The following PRICKLE1 variants were observed in gnomAD, a reference collection of about 807,000 sequenced individuals.
The protein encoded by PRICKLE1 is prickle-like protein 1.
Under a neutral mutation model 70.2 loss-of-function variants are expected in PRICKLE1, and 14 were observed. The ratio of observed to expected loss-of-function variants is 0.20; its 90% CI spans 0.13 to 0.31. The LOEUF (loss-of-function observed/expected upper bound fraction) is 0.31, where lower values mean the gene tolerates loss of function less well. PRICKLE1 is among the 10% of genes least tolerant of loss of function. The probability of loss-of-function intolerance (pLI) is 1.00; values close to 1 mark genes in which losing one functional copy is unlikely to be tolerated. For missense variants in PRICKLE1, 821 were observed against 1,026.2 expected, an observed-to-expected ratio of 0.80 and a Z score of 2.73; for synonymous variants, 357 against 379.9, an observed-to-expected ratio of 0.94 and a Z score of 0.70.
intron 6 of PRICKLE1, chr12:42,465,535 T>G: frequency 2.3e-6 from 1 of 440,404 alleles, no homozygotes; most frequent in Non-Finnish European, 4.1e-6. Context: ...CAACATGCAC[T>G]GATCCAGGAG....
At chr12:42,499,028 G>A (rs141805800) in intron 1 of PRICKLE1, among the ~76,000 whole-genome samples, 1 of 152,258 alleles carries the variant, frequency 6.6e-6, no homozygotes, top group Non-Finnish European at 1.5e-5. Context: ...TTCACATACA[G>A]TGTGATGTCA....
intron 1 of PRICKLE1, among the ~76,000 whole-genome samples, chr12:42,488,963 G>A (rs577929071): frequency 1.9e-3 from 239 of 127,278 alleles, no homozygotes; most frequent in Non-Finnish European, 2.8e-3. Flanking sequence ...CGCTCTTGTT[G>A]CCCAGGCTGC....
intron 7 of PRICKLE1, chr12:42,463,720 CA>C (rs1317439053): frequency 6.8e-4 from 96 of 140,648 alleles, no homozygotes; most frequent in Non-Finnish European, 9.6e-4. Flanking sequence ...AACTCCACCT[CA>C]AAAAAAAAAA....
chr12:42,468,961 T>G, intron 4 of PRICKLE1, 132 bp from the exon 5 acceptor site: 1 of 839,330 alleles, frequency 1.2e-6, no homozygotes, highest in Non-Finnish European at 1.9e-6. Context: ...AGTGATTAAA[T>G]AGCTCTTTAA....
intron 1 of PRICKLE1, among the ~76,000 whole-genome samples, chr12:42,562,918 G>A (rs537588411): frequency 6.6e-5 from 10 of 152,196 alleles, no homozygotes; most frequent in South Asian, 6.2e-4. Context: ...GGCCGGGTGC[G>A]GTGGCTCACA....
At chr12:42,467,253 A>G (rs1285513901) in intron 5 of PRICKLE1, among the ~76,000 whole-genome samples, 1 of 151,788 alleles carries the variant, frequency 6.6e-6, no homozygotes, top group Non-Finnish European at 1.5e-5. Context: ...AGTAGCTGGG[A>G]CTAAAGGTGC....
intron 1 of PRICKLE1, among the ~76,000 whole-genome samples, chr12:42,525,421 G>T (rs1939784416): frequency 6.6e-6 from 1 of 152,216 alleles, no homozygotes; most frequent in South Asian, 2.1e-4. Flanking sequence ...TATAGAGCTG[G>T]TCAGTCAGAA....
Position 42,464,032 on chromosome 12 carries a change from A to ATT in PRICKLE1, c.1639+361_1639+362dup, listed in dbSNP as rs879477032. On this transcript the variant is annotated intron_variant, in intron 7 of 7. Coordinates refer to ENST00000345127, the MANE Select transcript of PRICKLE1 (RefSeq NM_153026.3). This position sits in a 1 kb window ranked among gnomAD's most constrained non-coding sequence, Gnocchi z 4.2. ...CAACTCCTACTCATGCTGAATTGCA[A>ATT]TTTTTTTTTTTTTTGAGATGGAGTC... 4.8e-5 allele frequency among the ~76,000 whole-genome samples: 7 copies of ATT among 145,626 alleles called. No homozygotes were observed. Among genetic ancestry groups the ATT allele is most frequent in the Non-Finnish European group, 4.6e-5 (3 of 65,824 alleles).
At position 42,507,478 on chromosome 12, in the gene PRICKLE1, C is replaced by T. The variant is rs76458739; in HGVS notation, c.-48-34914G>A. On this transcript the variant is annotated intron_variant, in intron 1 of 7. Coordinates refer to ENST00000345127, the MANE Select transcript of PRICKLE1 (RefSeq NM_153026.3). ...AGTGACCACTGACAAATGATTCCATCTGTTCACAATTGTATCTCTTGCTCC... is the reference window on the plus strand; with the variant it reads ...AGTGACCACTGACAAATGATTCCATTTGTTCACAATTGTATCTCTTGCTCC... Among the ~76,000 whole-genome samples, 779 of 152,342 alleles carry T rather than the reference C, an allele frequency of 5.1e-3. 9 individuals carry two copies. The highest frequency in any genetic ancestry group is 0.018 in the African/African-American group (755 of 41,572).
chr12:42,501,648 T>A (rs2140182583), intron 1 of PRICKLE1, among the ~76,000 whole-genome samples: 1 of 152,322 alleles, frequency 6.6e-6, no homozygotes, highest in East Asian at 1.9e-4. Flanking sequence ...ACGAATATCT[T>A]TCATGAAGTG....
At chr12:42,549,976 C>T (rs914457999) in intron 1 of PRICKLE1, among the ~76,000 whole-genome samples, 4 of 152,248 alleles carry the variant, frequency 2.6e-5, no homozygotes, top group African/African-American at 9.6e-5. Flanking sequence ...ATCCTTCTAG[C>T]CCAAGCTCAA....
At chr12:42,536,518 T>C (rs1273310793) in intron 1 of PRICKLE1, among the ~76,000 whole-genome samples, 1 of 152,188 alleles carries the variant, frequency 6.6e-6, no homozygotes, top group Non-Finnish European at 1.5e-5. Flanking sequence ...CAGTCCCGTG[T>C]CCTGAAACTA....
intron 1 of PRICKLE1, among the ~76,000 whole-genome samples, chr12:42,572,591 G>A (rs1412016175): frequency 6.6e-6 from 1 of 152,028 alleles, no homozygotes; most frequent in Admixed American, 6.6e-5. Flanking sequence ...GGAAGGCTGG[G>A]GTAGAAGGGT....
intron 1 of PRICKLE1, among the ~76,000 whole-genome samples, chr12:42,581,108 T>C (rs913330015): frequency 6.6e-6 from 1 of 152,208 alleles, no homozygotes; most frequent in Admixed American, 6.5e-5. Flanking sequence ...CTGAGGAGCT[T>C]GTTCAAGCTA....
chr12:42,521,972 T>G (rs1939717282), intron 1 of PRICKLE1, among the ~76,000 whole-genome samples: 1 of 122,132 alleles, frequency 8.2e-6, no homozygotes, highest in African/African-American at 4.5e-5. Context: ...GTGTGTGTGT[T>G]TAACTTCTTT....
chr12:42,482,407 T>G (rs1938824656), intron 1 of PRICKLE1, among the ~76,000 whole-genome samples: 1 of 152,240 alleles, frequency 6.6e-6, no homozygotes. Context: ...GAGCCCATTA[T>G]TTTCCATAAT....
chr12:42,461,691 A>G (rs2140091987), intron 7 of PRICKLE1, among the ~76,000 whole-genome samples: 1 of 152,350 alleles, frequency 6.6e-6, no homozygotes, highest in East Asian at 1.9e-4. Flanking sequence ...ACATTTAACA[A>G]AACAGATATT....
At chr12:42,502,734 T>C (rs1223222192) in intron 1 of PRICKLE1, among the ~76,000 whole-genome samples, 1 of 152,210 alleles carries the variant, frequency 6.6e-6, no homozygotes, top group East Asian at 1.9e-4. Flanking sequence ...GTCTTAGATG[T>C]CTTTTTTTCT....
chr12:42,555,645 T>C (rs1310883853), intron 1 of PRICKLE1, among the ~76,000 whole-genome samples: 3 of 152,246 alleles, frequency 2.0e-5, no homozygotes, highest in South Asian at 4.1e-4. Flanking sequence ...GTTCTCATTA[T>C]GGCTTTTTAT....
Sources: allele counts gnomAD v4.1 joint callset (sites outside exome capture counted in the v4.1 genomes callset), GRCh38; gene constraint gnomAD v4.1.1; non-coding constraint Gnocchi (gnomAD v3.1); transcripts MANE v1.5; gene names NCBI Gene and HGNC (gene_info 2026-07-23, HGNC 2026-07-21).